Variants in CKAP5 observed in about 807,000 individuals in gnomAD.
CKAP5 encodes cytoskeleton-associated protein 5.
A neutral mutation model predicts 232.8 loss-of-function variants in CKAP5; 27 were observed. The ratio of observed to expected loss-of-function variants is 0.12; its 90% confidence interval spans 0.09 to 0.16. The LOEUF is 0.16. CKAP5 is among the 10% of genes least tolerant of loss of function. The pLI, the probability that CKAP5 is intolerant of heterozygous loss-of-function variation, is 1.00. For synonymous variants in CKAP5, 785 were observed against 841.1 expected, an observed-to-expected ratio of 0.93 and a Z score of 1.16; for missense variants, 1,838 against 2,424.7, an observed-to-expected ratio of 0.76 and a Z score of 5.08.
chr11:46,845,214 C>T (rs1280391393), intron 1 of CKAP5, among the ~76,000 whole-genome samples: 1 of 152,182 alleles, frequency 6.6e-6, no homozygotes, highest in African/African-American at 2.4e-5. Context: ...GCTCACCTTT[C>T]TAAAAATGAG....
chr11:46,767,630 T>G lies in CKAP5; in HGVS notation c.3356A>C (p.Glu1119Ala). The G allele has an allele frequency of 6.2e-7, 1 of 1,611,820 alleles. No homozygotes were observed. The highest frequency in any genetic ancestry group is 1.1e-5 in the South Asian group (1 of 90,738). Residue 1119 changes from glutamate (E) to alanine (A), a missense_variant, in exon 27 of 44, where the codon GAA becomes GCA. Coordinates refer to ENST00000529230, the MANE Select transcript of CKAP5 (RefSeq NM_001008938.4). The part of the protein sequence containing the change: ...PAEDCISSST[E>A]PKPDPKKAKA... ...GGCCTTTTTTGGATCAGGTTTGGGT[T>G]CTGTACTGCTGGAAATACAATCTTC...
In CKAP5 at chr11:46,835,571, G is replaced by A. The variant is rs573050437; in HGVS notation, c.-38+10649C>T. On this transcript the variant is annotated intron_variant, in intron 1 of 43. Transcript: ENST00000529230. ...CCAACAGTCAAAGCTGGAATTATTC[G>A]ACGGAAAAAAATAGATTATAAAATC... Among the ~76,000 whole-genome samples, 8 of 152,048 alleles carry A rather than the reference G, an allele frequency of 5.3e-5. No homozygotes were observed. In the South Asian group the frequency reaches 1.0e-3, roughly 20 times the overall value.
At chr11:46,762,856 AGG>A in intron 30 of CKAP5, 94 bp from the exon 31 acceptor site, 3 of 1,445,358 alleles carry the variant, frequency 2.1e-6, no homozygotes, top group Non-Finnish European at 2.9e-6. Context: ...ATAGGGAAAT[AGG>A]GATAAGTAGG....
At chr11:46,762,413 C>T (rs760300870) in intron 31 of CKAP5, 8 of 859,346 alleles carry the variant, frequency 9.3e-6, no homozygotes, top group African/African-American at 8.2e-5. Flanking sequence ...CCCCTGTGCA[C>T]TTGATTTTGT....
intron 1 of CKAP5, among the ~76,000 whole-genome samples, chr11:46,825,002 G>A (rs1240412344): frequency 1.3e-5 from 2 of 152,182 alleles, no homozygotes; most frequent in East Asian, 3.8e-4. Flanking sequence ...AAGTAGGTCA[G>A]CTAAAGTAAG....
intron 16 of CKAP5, 65 bp downstream of exon 16, chr11:46,788,616 C>A: frequency 1.1e-6 from 1 of 943,476 alleles, no homozygotes. Context: ...TGCTGTATTA[C>A]TCCATAGGAT....
In CKAP5 at chr11:46,845,636, C is replaced by T. The variant is rs1317596753; in HGVS notation, c.-38+584G>A. 2.0e-5 allele frequency among the ~76,000 whole-genome samples: 3 copies of T among 152,172 alleles called. No individual in the cohort carries two copies. The East Asian group carries it at 5.8e-4, about 29-fold the overall frequency. ...CCCAACACCTCCAGGGCTGGAAGGA[C>T]ACCAGAACGCTCCCGACACGTTGAG... On this transcript the variant is annotated intron_variant, in intron 1 of 43. Transcript: ENST00000529230.
intron 35 of CKAP5, chr11:46,758,702 G>T: frequency 2.4e-6 from 1 of 411,984 alleles, no homozygotes; most frequent in Non-Finnish European, 4.2e-6. Context: ...GTGAGACCTG[G>T]TCTCAAAAGA....
At chr11:46,819,954 T>C (rs929147524) in intron 2 of CKAP5, among the ~76,000 whole-genome samples, 1 of 152,026 alleles carries the variant, frequency 6.6e-6, no homozygotes, top group African/African-American at 2.4e-5. Flanking sequence ...AGATTTAACA[T>C]CTCTATGCTT....
intron 35 of CKAP5, among the ~76,000 whole-genome samples, chr11:46,755,442 C>T (rs1741924169): frequency 2.6e-5 from 4 of 151,798 alleles, no homozygotes; most frequent in South Asian, 2.1e-4. Flanking sequence ...CTCTTGACCT[C>T]GTGATCCACC....
intron 32 of CKAP5, 60 bp from the exon 33 acceptor site, chr11:46,760,844 T>A: frequency 7.0e-7 from 1 of 1,426,416 alleles, no homozygotes; most frequent in Non-Finnish European, 9.7e-7. Flanking sequence ...TATTTTCATA[T>A]CAAAACAAAT....
intron 1 of CKAP5, among the ~76,000 whole-genome samples, chr11:46,823,705 C>T (rs1222487700): frequency 6.6e-6 from 1 of 152,160 alleles, no homozygotes; most frequent in East Asian, 1.9e-4. Flanking sequence ...CTCCCAACCT[C>T]CGCCTCCCGG....
Position 46,778,475 on chromosome 11 carries a change from G to T in CKAP5, c.2558C>A (p.Pro853Gln). The T allele has an allele frequency of 6.2e-7, 1 of 1,614,034 alleles. No individual in the cohort carries two copies. The highest frequency in any genetic ancestry group is 1.1e-5 in the South Asian group (1 of 91,066). ...TGGAACCTACCTGATCTCCGTCCTCGGCAAAAGATCAACGACATCATTGCT... is the reference window on the plus strand; with the variant it reads ...TGGAACCTACCTGATCTCCGTCCTCTGCAAAAGATCAACGACATCATTGCT... ...DGSNDVVDLL[P>Q]RTEISDKITS... The change falls in exon 21 of 44, where the codon CCG (proline) becomes CAG (glutamine). Residue 853 changes from proline (P) to glutamine (Q), a missense_variant. Coordinates refer to ENST00000529230, the MANE Select transcript of CKAP5 (RefSeq NM_001008938.4).
chr11:46,826,869 T>A (rs1305739751), intron 1 of CKAP5: 1 of 155,020 alleles, frequency 6.5e-6, no homozygotes, highest in East Asian at 1.9e-4. Flanking sequence ...TGCGGTCCGC[T>A]GGGAAACGCC....
intron 3 of CKAP5, among the ~76,000 whole-genome samples, chr11:46,816,786 ATTT>A (rs397848056): frequency 2.4e-3 from 311 of 127,186 alleles, no homozygotes; most frequent in Admixed American, 5.0e-3. Flanking sequence ...CTTGCTTTCA[ATTT>A]TTTTTTTTTT....
At chr11:46,753,598 T>C (rs2065086734) in intron 36 of CKAP5, 101 bp from the exon 37 acceptor site, 1 of 949,712 alleles carries the variant, frequency 1.1e-6, no homozygotes, top group Non-Finnish European at 1.5e-6. Flanking sequence ...TGTTGTATTT[T>C]TTTTTTGAGA....
chr11:46,779,276 G>A (rs376975465), intron 20 of CKAP5, among the ~76,000 whole-genome samples: 17 of 152,116 alleles, frequency 1.1e-4, no homozygotes, highest in African/African-American at 4.1e-4. Context: ...TGGGATTCCA[G>A]GGCGTGCTAC....
At chr11:46,817,107 A>C (rs1939420045) in intron 3 of CKAP5, among the ~76,000 whole-genome samples, 1 of 151,232 alleles carries the variant, frequency 6.6e-6, no homozygotes, top group African/African-American at 2.4e-5. Context: ...ACTGTGTATC[A>C]AAAAGAAAAA....
At position 46,811,047 on chromosome 11, in the gene CKAP5, T is replaced by G; in HGVS notation, c.590A>C (p.Asp197Ala). 6.2e-7 allele frequency: 1 copy of G among 1,614,094 alleles called. No homozygotes were observed. Among genetic ancestry groups the G allele is most frequent in the South Asian group, 1.1e-5 (1 of 91,062 alleles). ...IAVEIYRWIR[D>A]ALRPPLQNIN... ...ATTTTGTAATGGGGGTCTCAGAGCA[T>G]CCCGAATCCATCTGTAAATCTCCAC... Residue 197 changes from aspartate to alanine, a missense_variant, in exon 5 of 44, where the codon GAT becomes GCT. Coordinates refer to ENST00000529230, the MANE Select transcript of CKAP5 (RefSeq NM_001008938.4).
Sources: gnomAD v4.1 joint callset for allele counts (sites outside exome capture counted in the v4.1 genomes callset) on GRCh38, gnomAD v4.1.1 for gene constraint, MANE v1.5 for transcripts, NCBI Gene and HGNC (gene_info 2026-07-23, HGNC 2026-07-21) for gene names.